Variants in LPP observed in about 807,000 individuals in gnomAD.
LPP encodes lipoma-preferred partner.
In LPP, 38 loss-of-function variants were observed where a neutral mutation model predicts 60.4. The ratio of observed to expected loss-of-function variants is 0.63; its 90% CI spans 0.49 to 0.83. The LOEUF (loss-of-function observed/expected upper bound fraction) is 0.83, where lower values mean the gene tolerates loss of function less well. LPP is among the 40% of genes least tolerant of loss of function. LPP has a pLI of 0.00. For missense variants in LPP, 902 were observed against 783.6 expected (o/e 1.15, Z -1.80); for synonymous variants, 328 against 290.8 (o/e 1.13, Z -1.30).
chr3:188,440,338 GTATTA>G (rs1793463157), intron 4 of LPP, among the ~76,000 whole-genome samples: 1 of 152,142 alleles, frequency 6.6e-6, no homozygotes, highest in African/African-American at 2.4e-5. Context: ...TCAAGGTTAA[GTATTA>G]TATTTAAAGT....
chr3:188,628,929 T>C (rs1258174199), intron 7 of LPP, among the ~76,000 whole-genome samples: 4 of 152,164 alleles, frequency 2.6e-5, no homozygotes, highest in Non-Finnish European at 5.9e-5. Context: ...GCTTTAGCCA[T>C]AGGTTGCAAA....
intron 3 of LPP, among the ~76,000 whole-genome samples, chr3:188,391,782 G>T (rs1166392406): frequency 6.6e-6 from 1 of 151,852 alleles, no homozygotes; most frequent in Non-Finnish European, 1.5e-5. Flanking sequence ...TGAGACATGA[G>T]TCCAGCTACT....
intron 3 of LPP, among the ~76,000 whole-genome samples, chr3:188,362,306 C>G (rs889878973): frequency 1.1e-4 from 17 of 152,174 alleles, no homozygotes; most frequent in African/African-American, 3.9e-4. Flanking sequence ...AATATCTTCT[C>G]CAAAGATTCT....
chr3:188,202,650 G>A (rs945219566), intron 1 of LPP, among the ~76,000 whole-genome samples: 3 of 152,210 alleles, frequency 2.0e-5, no homozygotes, highest in Admixed American at 6.5e-5. Context: ...AGCCGCGTGC[G>A]TTCCCTGTGC....
intron 9 of LPP, among the ~76,000 whole-genome samples, chr3:188,863,643 C>T (rs1051876330): frequency 1.3e-5 from 2 of 152,204 alleles, no homozygotes; most frequent in African/African-American, 2.4e-5. Flanking sequence ...TGTCCTTCTA[C>T]ATCATTCACT....
rs189767269 is a variant in LPP at position 188,608,797 on chromosome 3, A to G, written c.430-364A>G. Among the ~76,000 whole-genome samples the G allele has an allele frequency of 6.1e-4, 93 of 152,314 alleles. 1 individual carries two copies. Among genetic ancestry groups the G allele is most frequent in the Non-Finnish European group, 9.7e-4 (66 of 68,028 alleles). ...CTAACAATATCAAGTCTTTCAACCTATGAACACAGATGTTTATCCGTTTGT... is the reference window on the plus strand; with the variant it reads ...CTAACAATATCAAGTCTTTCAACCTGTGAACACAGATGTTTATCCGTTTGT... On this transcript the variant is annotated intron_variant, in intron 6 of 11. Coordinates refer to ENST00000617246, the MANE Select transcript of LPP (RefSeq NM_001375462.1).
chr3:188,745,951 A>G (rs1293699455), intron 8 of LPP, among the ~76,000 whole-genome samples: 1 of 152,152 alleles, frequency 6.6e-6, no homozygotes, highest in East Asian at 1.9e-4. Context: ...GAGCCGACCC[A>G]TGTCTTCTGA....
At chr3:188,734,514 C>T (rs1434713604) in intron 8 of LPP, among the ~76,000 whole-genome samples, 4 of 152,216 alleles carry the variant, frequency 2.6e-5, no homozygotes, top group African/African-American at 7.2e-5. Context: ...GCAATTGCCC[C>T]ATGGCTAATT....
Position 188,250,814 on chromosome 3 carries a change from CTTTCTTTCTTTT to C in LPP, c.-67+25289_-67+25300del, listed in dbSNP as rs1560159029. ...TCTTTCTCTTTCTTTCTTTCTCTTT[CTTTCTTTCTTTT>C]TCTTTCTTTCTTTTCTTTTTCTCTT... On this transcript the variant is annotated intron_variant, in intron 2 of 11. Coordinates refer to ENST00000617246, the MANE Select transcript of LPP (RefSeq NM_001375462.1). 5.9e-3 allele frequency among the ~76,000 whole-genome samples: 853 copies of C among 144,114 alleles called. 14 individuals carry two copies. The highest frequency in any genetic ancestry group is 0.02 in the African/African-American group (774 of 38,712). 94.5% of individuals were successfully genotyped at this position (144,114 alleles called of 152,430 possible). A position where few individuals can be genotyped will look rare whatever the true frequency, so the allele number is the denominator to read the frequency against.
At chr3:188,378,720 C>T (rs1775998198) in intron 3 of LPP, among the ~76,000 whole-genome samples, 1 of 152,190 alleles carries the variant, frequency 6.6e-6, no homozygotes, top group African/African-American at 2.4e-5. Flanking sequence ...ACCCACTCTG[C>T]TGCACCTACT....
rs778292002 is a variant in LPP at position 188,609,658 on chromosome 3, C to T, written c.927C>T (p.Gly309=). ...GYYAAGPGYG[G]RNDSDPTYGQ... ...ATGCAGCAGGGCCAGGCTATGGGGG[C>T]AGAAATGACTCTGACCCTACCTATG... Residue 309 remains glycine (G), a synonymous_variant, in exon 7 of 12, where the codon GGC becomes GGT. Coordinates refer to ENST00000617246, the MANE Select transcript of LPP (RefSeq NM_001375462.1). This position sits in a 1 kb window ranked among gnomAD's most constrained non-coding sequence, Gnocchi z 6.9. 5.6e-6 allele frequency: 9 copies of T among 1,614,010 alleles called. No individual in the cohort carries two copies. The highest frequency in any genetic ancestry group is 7.6e-6 in the Non-Finnish European group (9 of 1,180,024).
chr3:188,307,786 T>TAA lies in LPP; in HGVS notation c.-66-33877_-66-33876insAA, dbSNP rs1577997731. On this transcript the variant is annotated intron_variant, in intron 2 of 11. Coordinates refer to ENST00000617246, the MANE Select transcript of LPP (RefSeq NM_001375462.1). ...CTATGAGATAAGCTCATAACTGGGA[T>TAA]GTTCAATATGACTTTATTAACACAG... Among the ~76,000 whole-genome samples the TAA allele has an allele frequency of 3.9e-5, 6 of 152,350 alleles. No homozygotes were observed. In the East Asian group the frequency reaches 1.2e-3, roughly 29 times the overall value.
At chr3:188,338,562 A>G (rs1762270188) in intron 2 of LPP, among the ~76,000 whole-genome samples, 1 of 152,182 alleles carries the variant, frequency 6.6e-6, no homozygotes, top group Non-Finnish European at 1.5e-5. Context: ...ATTTTATGCA[A>G]CTTCTAATCA....
intron 4 of LPP, among the ~76,000 whole-genome samples, chr3:188,433,818 C>T (rs1220278482): frequency 6.6e-6 from 1 of 151,872 alleles, no homozygotes; most frequent in East Asian, 1.9e-4. Context: ...AAAACTGAAA[C>T]CTTTTATTTC....
At chr3:188,731,516 T>TTTTTTTTTTGTTTTGTTTTG (rs1553817761) in intron 8 of LPP, among the ~76,000 whole-genome samples, 4 of 145,700 alleles carry the variant, frequency 2.7e-5, no homozygotes, top group African/African-American at 1.0e-4. Context: ...TTTTTTGTTT[T>TTTTTTTTTTGTTTTGTTTTG]TTTTGTTTTG....
intron 3 of LPP, among the ~76,000 whole-genome samples, chr3:188,374,546 G>A (rs1161791549): frequency 1.3e-5 from 2 of 152,152 alleles, no homozygotes; most frequent in Non-Finnish European, 2.9e-5. Context: ...TGTGATTTTT[G>A]TACAATGATT....
At chr3:188,550,215 T>C (rs1827732545) in intron 6 of LPP, among the ~76,000 whole-genome samples, 1 of 152,090 alleles carries the variant, frequency 6.6e-6, no homozygotes, top group Non-Finnish European at 1.5e-5. Flanking sequence ...TTGTATACGA[T>C]TTCAAAGGCA....
chr3:188,748,481 TA>T (rs149366608), intron 8 of LPP, among the ~76,000 whole-genome samples: 1 of 151,892 alleles, frequency 6.6e-6, no homozygotes, highest in South Asian at 2.1e-4. Context: ...CTGTGGTGTT[TA>T]AAAAAAATAA....
rs138475980 is a variant in LPP, at chr3:188,609,317, A to G, written c.586A>G (p.Ile196Val). The G allele has an allele frequency of 1.2e-4, 194 of 1,613,904 alleles. No individual in the cohort carries two copies. The highest frequency in any genetic ancestry group is 2.3e-4 in the Admixed American group (14 of 59,998). The change falls in exon 7 of 12, where the codon ATC becomes GTC. Residue 196 changes from isoleucine (I) to valine (V), a missense_variant. By Grantham distance (29) the Ile-to-Val change is conservative. Coordinates refer to ENST00000617246, the MANE Select transcript of LPP (RefSeq NM_001375462.1). This position sits in a 1 kb window ranked among gnomAD's most constrained non-coding sequence, Gnocchi z 6.9. ...PQAGPIPVAPIGTLKPQPQPV... is the reference protein window; with the variant it reads ...PQAGPIPVAPVGTLKPQPQPV... ...GGCTGGACCCATCCCTGTGGCTCCA[A>G]TCGGAACACTCAAACCCCAGCCTCA...
Sources: allele counts gnomAD v4.1 joint callset (sites outside exome capture counted in the v4.1 genomes callset), GRCh38; gene constraint gnomAD v4.1.1; non-coding constraint Gnocchi (gnomAD v3.1); transcripts MANE v1.5; gene names NCBI Gene and HGNC (gene_info 2026-07-23, HGNC 2026-07-21).